The following GPHN variants were observed in gnomAD, a reference collection of about 807,000 sequenced individuals.
GPHN encodes the protein gephyrin.
Under a neutral mutation model 95.5 loss-of-function variants are expected in GPHN, and 17 were observed. The observed-to-expected ratio is 0.18, with a 90% CI of 0.12 to 0.27. The LOEUF (loss-of-function observed/expected upper bound fraction) is 0.27. Among genes scored for constraint, GPHN ranks in the 10% least tolerant of loss-of-function variants. The pLI, the probability that GPHN is intolerant of heterozygous loss-of-function variation, is 1.00. For synonymous variants in GPHN, 320 were observed against 322.5 expected (o/e 0.99, Z 0.08); for missense variants, 660 against 978.1 (o/e 0.67, Z 4.34).
the GPHN span, among the ~76,000 whole-genome samples, chr14:67,393,965 G>A: frequency 6.6e-6 from 1 of 152,142 alleles, no homozygotes; most frequent in Non-Finnish European, 1.5e-5. Flanking sequence ...GGCCAGCAGG[G>A]ACATCACTTC....
the GPHN span, chr14:67,645,698 G>A: frequency 3.1e-6 from 5 of 1,613,884 alleles, no homozygotes; most frequent in Non-Finnish European, 4.2e-6. Context: ...CCTTTGTGTT[G>A]TCTGGGTTGA....
downstream of GPHN, among the ~76,000 whole-genome samples, chr14:67,186,247 G>A (rs899359004): frequency 1.2e-4 from 19 of 152,038 alleles, no homozygotes; most frequent in Non-Finnish European, 2.9e-5. Flanking sequence ...TATGAGAAAG[G>A]AAAACAATTT....
At chr14:66,560,058 G>A (rs1340332555) in intron 1 of GPHN, among the ~76,000 whole-genome samples, 4 of 152,036 alleles carry the variant, frequency 2.6e-5, no homozygotes, top group East Asian at 3.9e-4. Flanking sequence ...GTAGATATGC[G>A]GCGTTATTTC....
intron 5 of GPHN, 79 bp downstream of exon 5, chr14:66,880,112 G>A: frequency 1.1e-6 from 1 of 888,640 alleles, no homozygotes; most frequent in Admixed American, 1.8e-5. Context: ...CTACACTTTG[G>A]CATTGTTGTG....
At chr14:67,281,725 G>A in the GPHN span, among the ~76,000 whole-genome samples, 3 of 152,024 alleles carry the variant, frequency 2.0e-5, no homozygotes, top group Admixed American at 6.5e-5. Flanking sequence ...AGCTTCAGCC[G>A]GATTCACTTA....
the GPHN span, among the ~76,000 whole-genome samples, chr14:67,468,349 C>T: frequency 7.2e-5 from 11 of 152,294 alleles, no homozygotes; most frequent in South Asian, 1.0e-3. Context: ...CCTCTGTTTC[C>T]CTCCCTTGGT....
the GPHN span, among the ~76,000 whole-genome samples, chr14:67,516,395 GAGA>G: frequency 0.014 from 1,798 of 124,642 alleles, 39 homozygotes; most frequent in African/African-American, 0.044. Flanking sequence ...AACCTAGCTG[GAGA>G]GGGGGGGAAA....
At chr14:67,498,950 GGAGCCACT>G in the GPHN span, among the ~76,000 whole-genome samples, 2 of 151,308 alleles carry the variant, frequency 1.3e-5, no homozygotes, top group Admixed American at 1.3e-4. Context: ...ATTACAGGCA[GGAGCCACT>G]GAGCCCAGAC....
At chr14:67,478,624 C>T in the GPHN span, among the ~76,000 whole-genome samples, 68 of 152,340 alleles carry the variant, frequency 4.5e-4, no homozygotes, top group African/African-American at 1.4e-3. Flanking sequence ...CCCCTGGGGA[C>T]GGCTGGCAAA....
At chr14:67,052,037 G>A (rs1054084246) in intron 10 of GPHN, among the ~76,000 whole-genome samples, 7 of 152,224 alleles carry the variant, frequency 4.6e-5, no homozygotes, top group East Asian at 1.9e-4. Flanking sequence ...ATGACGCTTC[G>A]AAGCAACTAC....
At chr14:67,265,955 T>C in the GPHN span, among the ~76,000 whole-genome samples, 10 of 152,224 alleles carry the variant, frequency 6.6e-5, no homozygotes, top group African/African-American at 1.7e-4. Context: ...TAAAAAACTT[T>C]TAAAAAAAAT....
intron 8 of GPHN, among the ~76,000 whole-genome samples, chr14:66,934,068 G>A (rs766149518): frequency 5.7e-4 from 86 of 151,272 alleles, no homozygotes; most frequent in Non-Finnish European, 1.1e-3. Context: ...GAGCCCAGGA[G>A]GTTGAGGTTG....
At chr14:67,664,894 T>C in the GPHN span, among the ~76,000 whole-genome samples, 3 of 152,172 alleles carry the variant, frequency 2.0e-5, no homozygotes, top group South Asian at 4.1e-4. Flanking sequence ...TGAGACTGTG[T>C]CTCACTCTGT....
the GPHN span, chr14:67,562,438 C>T: frequency 6.2e-7 from 1 of 1,613,714 alleles, no homozygotes; most frequent in East Asian, 2.2e-5. Flanking sequence ...ACCAGCCATG[C>T]ATGAAGCTTC....
chr14:66,850,806 G>A (rs1003294084), intron 4 of GPHN, among the ~76,000 whole-genome samples: 8 of 152,040 alleles, frequency 5.3e-5, no homozygotes, highest in African/African-American at 1.7e-4. Context: ...GGGTACATGG[G>A]TAGAAAGTTA....
At chr14:67,133,158 T>A (rs2079832063) in intron 17 of GPHN, among the ~76,000 whole-genome samples, 1 of 150,866 alleles carries the variant, frequency 6.6e-6, no homozygotes, top group Non-Finnish European at 1.5e-5. Flanking sequence ...TGAATTTATC[T>A]TTGACCTCTG....
intron 16 of GPHN, among the ~76,000 whole-genome samples, chr14:67,118,571 C>A (rs2078824780): frequency 6.6e-6 from 1 of 151,796 alleles, no homozygotes; most frequent in East Asian, 1.9e-4. Context: ...ACTAAAAATA[C>A]AAAAAAATTA....
downstream of GPHN, among the ~76,000 whole-genome samples, chr14:67,184,399 G>A (rs978472408): frequency 6.6e-6 from 1 of 152,180 alleles, no homozygotes. Flanking sequence ...AAAGAAACAA[G>A]TGAGAGACAC....
At chr14:66,709,079 T>C (rs10145098) in intron 2 of GPHN, among the ~76,000 whole-genome samples, 47,279 of 151,970 alleles carry the variant, frequency 0.31, 11,176 homozygotes, top group African/African-American at 0.64. Flanking sequence ...TCAGGAGATA[T>C]TCAGGTTAAA....
Sources: gnomAD v4.1 joint callset for allele counts (sites outside exome capture counted in the v4.1 genomes callset) on GRCh38, gnomAD v4.1.1 for gene constraint, MANE v1.5 for transcripts, NCBI Gene and HGNC (gene_info 2026-07-23, HGNC 2026-07-21) for gene names.